The following LGSN variants were observed in gnomAD, a reference collection of about 807,000 sequenced individuals.
LGSN encodes the protein lengsin.
In LGSN, 21 loss-of-function variants were observed where a neutral mutation model predicts 19.5. The observed-to-expected ratio is 1.07, with a 90% CI of 0.76 to 1.55. The LOEUF (loss-of-function observed/expected upper bound fraction) is 1.55. Ranked by LOEUF, LGSN falls within the 40% of genes most tolerant of loss-of-function variation. LGSN has a pLI of 0.00. For missense variants in LGSN, 673 were observed against 608.5 expected (o/e 1.11, Z -1.12); for synonymous variants, 257 against 215.6 (o/e 1.19, Z -1.68).
chr6:63,361,668 C>T, the LGSN span, among the ~76,000 whole-genome samples: 1 of 152,088 alleles, frequency 6.6e-6, no homozygotes, highest in Non-Finnish European at 1.5e-5. Flanking sequence ...CTGTCCTGCA[C>T]CAACTTTCCG....
At chr6:63,505,494 C>G in the LGSN span, among the ~76,000 whole-genome samples, 1 of 143,582 alleles carries the variant, frequency 7.0e-6, no homozygotes, top group Non-Finnish European at 1.5e-5. Flanking sequence ...AGGAAAATTT[C>G]TTGAACCCAG....
chr6:63,423,804 G>A, the LGSN span, among the ~76,000 whole-genome samples: 458 of 152,226 alleles, frequency 3.0e-3, no homozygotes, highest in African/African-American at 0.01. Flanking sequence ...TTGGGGGGCC[G>A]AGTCAGGCAG....
the LGSN span, among the ~76,000 whole-genome samples, chr6:63,424,449 A>G: frequency 6.7e-6 from 1 of 149,922 alleles, no homozygotes; most frequent in African/African-American, 2.5e-5. Flanking sequence ...AAAATCAAAG[A>G]GTAAGGAACC....
chr6:63,399,736 C>A, the LGSN span, among the ~76,000 whole-genome samples: 9 of 152,136 alleles, frequency 5.9e-5, no homozygotes, highest in South Asian at 1.9e-3. Context: ...CTCCCTGTCA[C>A]CCAGGCTGGA....
chr6:63,572,484 C>T, the LGSN span: 3 of 389,374 alleles, frequency 7.7e-6, no homozygotes, highest in African/African-American at 4.2e-5. Context: ...AAGGGCGCCT[C>T]GGCGCGTGTA....
upstream of LGSN, among the ~76,000 whole-genome samples, chr6:63,321,377 T>C (rs1018349709): frequency 6.6e-6 from 1 of 152,174 alleles, no homozygotes; most frequent in African/African-American, 2.4e-5. Flanking sequence ...AGAAAAGAAC[T>C]CCAAGCTGGT....
At chr6:63,559,129 C>T in the LGSN span, among the ~76,000 whole-genome samples, 7 of 152,112 alleles carry the variant, frequency 4.6e-5, no homozygotes, top group Non-Finnish European at 5.9e-5. Flanking sequence ...TGTCCATTAG[C>T]GGGAAATCAA....
the LGSN span, among the ~76,000 whole-genome samples, chr6:63,485,798 G>A: frequency 6.6e-6 from 1 of 151,952 alleles, no homozygotes; most frequent in African/African-American, 2.4e-5. Context: ...GCATGATCTC[G>A]GCTCACTGCA....
At chr6:63,497,724 C>G in the LGSN span, among the ~76,000 whole-genome samples, 1 of 144,982 alleles carries the variant, frequency 6.9e-6, no homozygotes, top group Non-Finnish European at 1.5e-5. Context: ...GAAAACTGAC[C>G]TGGGGAGAGT....
the LGSN span, among the ~76,000 whole-genome samples, chr6:63,446,176 G>A: frequency 6.6e-6 from 1 of 151,118 alleles, no homozygotes; most frequent in Non-Finnish European, 1.5e-5. Flanking sequence ...TTTGAACCTG[G>A]GAGGCAGATT....
the LGSN span, chr6:63,571,617 G>C: frequency 6.6e-6 from 1 of 152,168 alleles, no homozygotes; most frequent in Non-Finnish European, 1.5e-5. Context: ...TTCTAAAAAC[G>C]CTTTCTTTAA....
At chr6:63,400,704 T>C in the LGSN span, among the ~76,000 whole-genome samples, 1 of 152,096 alleles carries the variant, frequency 6.6e-6, no homozygotes, top group Non-Finnish European at 1.5e-5. Context: ...CAATAAAACA[T>C]AAATTTCGGC....
chr6:63,390,097 G>C, the LGSN span, among the ~76,000 whole-genome samples: 6 of 142,754 alleles, frequency 4.2e-5, no homozygotes, highest in Non-Finnish European at 9.1e-5. Flanking sequence ...TGAAGTATTT[G>C]GACACTTTCT....
chr6:63,451,934 A>G, the LGSN span, among the ~76,000 whole-genome samples: 2 of 152,220 alleles, frequency 1.3e-5, no homozygotes, highest in South Asian at 4.1e-4. Context: ...ATTACTTTTT[A>G]TATATCACTG....
chr6:63,549,061 T>C, the LGSN span: 1 of 719,882 alleles, frequency 1.4e-6, no homozygotes, highest in Admixed American at 1.9e-5. Context: ...TGAGCTTTCT[T>C]ATTCTCTAGC....
At chr6:63,297,667 A>T (rs1768029104) in intron 1 of LGSN, among the ~76,000 whole-genome samples, 1 of 152,174 alleles carries the variant, frequency 6.6e-6, no homozygotes, top group Non-Finnish European at 1.5e-5. Context: ...AGCCCAGATG[A>T]TTGAGGTTTG....
the LGSN span, among the ~76,000 whole-genome samples, chr6:63,535,768 G>C: frequency 6.6e-6 from 1 of 152,106 alleles, no homozygotes; most frequent in Non-Finnish European, 1.5e-5. Flanking sequence ...GAAGATTATG[G>C]CTAGTTAAAA....
chr6:63,343,579 G>A, the LGSN span, among the ~76,000 whole-genome samples: 626 of 152,212 alleles, frequency 4.1e-3, 4 homozygotes, highest in African/African-American at 9.4e-3. Context: ...CAAGCAGCAA[G>A]GAAGAGTATC....
At chr6:63,549,476 C>G in the LGSN span, 1 of 787,486 alleles carries the variant, frequency 1.3e-6, no homozygotes, top group Non-Finnish European at 2.2e-6. Context: ...CCGGAGCCAC[C>G]TTCTTTCCCT....
Sources: gnomAD v4.1 joint callset for allele counts (sites outside exome capture counted in the v4.1 genomes callset) on GRCh38, gnomAD v4.1.1 for gene constraint, MANE v1.5 for transcripts, NCBI Gene and HGNC (gene_info 2026-07-23, HGNC 2026-07-21) for gene names.